RPTOR: variants seen among roughly 807,000 people sequenced by gnomAD.
The protein encoded by RPTOR is regulatory-associated protein of mTOR.
RPTOR carries 21 observed loss-of-function variants against 169.9 expected under a neutral mutation model. The observed-to-expected ratio is 0.12, with a 90% CI of 0.09 to 0.18. The LOEUF (loss-of-function observed/expected upper bound fraction) is 0.18. Among genes scored for constraint, RPTOR ranks in the 10% least tolerant of loss-of-function variants. RPTOR has a pLI of 1.00. For missense variants in RPTOR, 1,133 were observed against 1,855.9 expected (o/e 0.61, Z 7.16); for synonymous variants, 732 against 753.2 (o/e 0.97, Z 0.46).
chr17:80,956,642 CG>C (rs1425309377), intron 28 of RPTOR, among the ~76,000 whole-genome samples: 19 of 152,260 alleles, frequency 1.2e-4, no homozygotes, highest in African/African-American at 4.6e-4. Flanking sequence ...TCTGCCCAGG[CG>C]TCCAGACGGC....
intron 21 of RPTOR, among the ~76,000 whole-genome samples, chr17:80,917,147 A>G (rs2068682889): frequency 2.7e-5 from 4 of 145,996 alleles, no homozygotes; most frequent in South Asian, 2.1e-4. Flanking sequence ...GAGTCTCACT[A>G]TGTCGCCCAG....
rs561264422 is a variant in RPTOR, at chr17:80,735,608, G to T, written c.654+4902G>T. 1.1e-4 allele frequency among the ~76,000 whole-genome samples: 17 copies of T among 152,312 alleles called. No homozygotes were observed. In the South Asian group the frequency reaches 3.1e-3, roughly 28 times the overall value. On this transcript the variant is annotated intron_variant, in intron 5 of 33. Coordinates refer to ENST00000306801, the MANE Select transcript of RPTOR (RefSeq NM_020761.3). ...GTCACAGCTCACCGTCACTGAAGAC[G>T]GCAGTCAAGCCCGGAGTCAAATCTA...
In RPTOR at chr17:80,846,453, C is replaced by T. The variant is rs1270301678; in HGVS notation, c.1213-20C>T. On this transcript the variant is annotated intron_variant, in intron 10 of 33. Coordinates refer to ENST00000306801, the MANE Select transcript of RPTOR (RefSeq NM_020761.3). The stretch of plus-strand genomic sequence containing the variant: ...CTGGGAACATGGCCCTAACAAGCAC[C>T]TGTTCTGCTTGCCCCGCAGCACAGC... 3.7e-6 allele frequency: 6 copies of T among 1,610,862 alleles called. No individual in the cohort carries two copies. Among genetic ancestry groups the T allele is most frequent in the African/African-American group, 1.3e-5 (1 of 74,910 alleles).
intron 3 of RPTOR, among the ~76,000 whole-genome samples, chr17:80,706,158 A>G (rs1223832826): frequency 2.0e-5 from 3 of 152,044 alleles, no homozygotes; most frequent in Non-Finnish European, 2.9e-5. Flanking sequence ...CCTTTTAGCT[A>G]TTTGTTCTAG....
intron 1 of RPTOR, among the ~76,000 whole-genome samples, chr17:80,553,433 A>G (rs1452415861): frequency 6.6e-6 from 1 of 152,248 alleles, no homozygotes; most frequent in African/African-American, 2.4e-5. Context: ...ATTTGCTGCC[A>G]GTCATGAAAT....
intron 11 of RPTOR, among the ~76,000 whole-genome samples, chr17:80,854,198 A>C (rs2067827358): frequency 6.6e-6 from 1 of 152,230 alleles, no homozygotes; most frequent in African/African-American, 2.4e-5. Flanking sequence ...ATCCAGATGA[A>C]AAGGATGTAT....
intron 9 of RPTOR, among the ~76,000 whole-genome samples, chr17:80,828,713 A>C (rs991014455): frequency 6.6e-6 from 1 of 152,238 alleles, no homozygotes; most frequent in Admixed American, 6.5e-5. Context: ...AGGAAAAACC[A>C]AGCAACGGGA....
rs1054049089 is a variant in RPTOR at position 80,773,956 on chromosome 17, T to A, written c.831-17494T>A. On this transcript the variant is annotated intron_variant, in intron 6 of 33. Transcript: ENST00000306801. ...ATGCGGCCTGCCCTGGGGGCTATGGTGCTGAATCCTGACAAAGGCCCTCTT... is the reference window on the plus strand; with the variant it reads ...ATGCGGCCTGCCCTGGGGGCTATGGAGCTGAATCCTGACAAAGGCCCTCTT... 2.4e-5 allele frequency: 24 copies of A among 985,384 alleles called. No individual in the cohort carries two copies. In the East Asian group the frequency reaches 2.4e-3, roughly 98 times the overall value. 61.0% of individuals were successfully genotyped at this position (985,384 alleles called of 1,614,324 possible). A position where few individuals can be genotyped will look rare whatever the true frequency, so the allele number is the denominator to read the frequency against.
intron 21 of RPTOR, among the ~76,000 whole-genome samples, chr17:80,917,831 C>T (rs948391351): frequency 5.3e-5 from 8 of 152,176 alleles, no homozygotes; most frequent in African/African-American, 1.9e-4. Context: ...ATCGTGAGCT[C>T]TACGTCCAGC....
At chr17:80,592,400 G>A (rs1317744068) in intron 1 of RPTOR, among the ~76,000 whole-genome samples, 1 of 152,164 alleles carries the variant, frequency 6.6e-6, no homozygotes, top group African/African-American at 2.4e-5. Flanking sequence ...GGAGAAGAGT[G>A]CTCAGAGGCT....
chr17:80,911,115 G>A (rs2068608011), intron 21 of RPTOR, among the ~76,000 whole-genome samples: 2 of 152,214 alleles, frequency 1.3e-5, no homozygotes, highest in African/African-American at 4.8e-5. Context: ...ACAGGCGTGA[G>A]CCACTGCGCC....
chr17:80,925,602 A>G (rs1438757174), intron 24 of RPTOR, 122 bp downstream of exon 24: 28 of 762,232 alleles, frequency 3.7e-5, no homozygotes, highest in Non-Finnish European at 6.0e-5. Flanking sequence ...CGTGGTAGTG[A>G]TGGTCACGGT....
At chr17:80,634,403 C>T (rs1164821644) in intron 2 of RPTOR, among the ~76,000 whole-genome samples, 649 of 29,630 alleles carry the variant, frequency 0.022, 45 homozygotes, top group Middle Eastern at 0.024. Flanking sequence ...GTGTGCATAC[C>T]GTGTGTGTGT....
chr17:80,704,456 G>A (rs951323835), intron 3 of RPTOR, among the ~76,000 whole-genome samples: 4 of 152,104 alleles, frequency 2.6e-5, no homozygotes, highest in Non-Finnish European at 5.9e-5. Context: ...CATCATTTTC[G>A]TAAGTCTTAG....
chr17:80,947,805 G>A lies in RPTOR; in HGVS notation c.3265+454G>A, dbSNP rs1390572747. 1.3e-5 allele frequency among the ~76,000 whole-genome samples: 2 copies of A among 152,142 alleles called. No homozygotes were observed. The highest frequency in any genetic ancestry group is 2.9e-5 in the Non-Finnish European group (2 of 68,020). On this transcript the variant is annotated intron_variant, in intron 27 of 33. Coordinates refer to ENST00000306801, the MANE Select transcript of RPTOR (RefSeq NM_020761.3). The surrounding 1 kb of genome is among the most constrained non-coding windows in gnomAD (Gnocchi z 4.4). ...GGGAGCTGGCACTCACCCTCCTCCA[G>A]TCCCGTCCTGCACCTGAAAGGACAT...
intron 3 of RPTOR, among the ~76,000 whole-genome samples, chr17:80,700,511 ATGGTGATGGTGGTGGTGGTGG>A (rs202030516): frequency 0.19 from 11,087 of 57,738 alleles, 573 homozygotes; most frequent in African/African-American, 0.25. Context: ...GATGATGGTG[ATGGTGATGGTGGTGGTGGTGG>A]TGGTGATGAT....
intron 17 of RPTOR, among the ~76,000 whole-genome samples, chr17:80,887,705 G>A (rs898078336): frequency 4.6e-5 from 7 of 152,146 alleles, no homozygotes; most frequent in Non-Finnish European, 7.4e-5. Context: ...TAAAAGCAAC[G>A]TGTACTGGTT....
intron 10 of RPTOR, among the ~76,000 whole-genome samples, chr17:80,843,444 T>C (rs1598347817): frequency 6.6e-6 from 1 of 151,878 alleles, no homozygotes; most frequent in African/African-American, 2.4e-5. Flanking sequence ...TTTTTTTGGT[T>C]TATTGAGATA....
At chr17:80,807,976 A>G (rs2067236291) in intron 7 of RPTOR, among the ~76,000 whole-genome samples, 1 of 152,184 alleles carries the variant, frequency 6.6e-6, no homozygotes. Flanking sequence ...GACCTGCTTT[A>G]GAAACTATAA....
Sources: allele counts gnomAD v4.1 joint callset (sites outside exome capture counted in the v4.1 genomes callset), GRCh38; gene constraint gnomAD v4.1.1; non-coding constraint Gnocchi (gnomAD v3.1); transcripts MANE v1.5; gene names NCBI Gene and HGNC (gene_info 2026-07-23, HGNC 2026-07-21).